The following HS3ST4 variants were observed in gnomAD, a reference collection of about 807,000 sequenced individuals.
HS3ST4 encodes the protein heparan sulfate-glucosamine 3-sulfotransferase 4.
In HS3ST4, 17 loss-of-function variants were observed where a neutral mutation model predicts 29.2. That is an observed-to-expected ratio of 0.58 (90% CI 0.40 to 0.87). HS3ST4 has a LOEUF of 0.87. Ranked by LOEUF, HS3ST4 falls within the 40% of genes least tolerant of loss-of-function variation. The pLI is 0.00. For missense variants in HS3ST4, 627 were observed against 634.5 expected (o/e 0.99, Z 0.13); for synonymous variants, 314 against 285.7 (o/e 1.10, Z -1.00).
intron 1 of HS3ST4, among the ~76,000 whole-genome samples, chr16:25,851,518 G>A (rs1304369867): frequency 1.3e-5 from 2 of 151,338 alleles, no homozygotes; most frequent in Non-Finnish European, 2.9e-5. Context: ...TACCTTTTTT[G>A]GTTACTCGAG....
At chr16:26,043,842 C>T (rs1423101737) in intron 1 of HS3ST4, among the ~76,000 whole-genome samples, 1 of 152,184 alleles carries the variant, frequency 6.6e-6, no homozygotes, top group East Asian at 1.9e-4. Context: ...TGCCATTCGC[C>T]CTCCCAAGTA....
At chr16:26,004,268 C>T (rs964349909) in intron 1 of HS3ST4, among the ~76,000 whole-genome samples, 14 of 152,294 alleles carry the variant, frequency 9.2e-5, no homozygotes, top group African/African-American at 3.4e-4. Flanking sequence ...GGATTGTATG[C>T]ACTTCTCTCT....
At chr16:25,873,814 T>C (rs1967797536) in intron 1 of HS3ST4, among the ~76,000 whole-genome samples, 1 of 149,488 alleles carries the variant, frequency 6.7e-6, no homozygotes. Context: ...CCACCTATTC[T>C]TCCATCCATG....
intron 1 of HS3ST4, among the ~76,000 whole-genome samples, chr16:25,870,106 C>T (rs530212132): frequency 6.6e-6 from 1 of 152,064 alleles, no homozygotes; most frequent in African/African-American, 2.4e-5. Context: ...ATCTGTCCAT[C>T]TATCCACCCT....
intron 1 of HS3ST4, among the ~76,000 whole-genome samples, chr16:25,949,161 G>A (rs897570839): frequency 6.6e-6 from 1 of 152,070 alleles, no homozygotes; most frequent in Non-Finnish European, 1.5e-5. Flanking sequence ...ATTACACATC[G>A]TGGAGAATGG....
chr16:25,756,570 C>T (rs1260301945), intron 1 of HS3ST4, among the ~76,000 whole-genome samples: 2 of 152,150 alleles, frequency 1.3e-5, no homozygotes, highest in African/African-American at 2.4e-5. Context: ...TGATTTCACT[C>T]CAAAGAAGAT....
chr16:25,999,722 T>G lies in HS3ST4; in HGVS notation c.735-135890T>G, dbSNP rs1048263983. Among the ~76,000 whole-genome samples, 7 of 145,264 alleles carry G rather than the reference T, an allele frequency of 4.8e-5. No individual in the cohort carries two copies. In the East Asian group the frequency reaches 1.4e-3, roughly 28 times the overall value. On this transcript the variant is annotated intron_variant, in intron 1 of 1. Transcript: ENST00000331351. ...TCTCAAAAATTCACATTGTACTTTC[T>G]ATTTAAAGTACAATTTAAATAATTA...
At chr16:25,818,660 G>A (rs533998053) in intron 1 of HS3ST4, among the ~76,000 whole-genome samples, 5 of 152,000 alleles carry the variant, frequency 3.3e-5, no homozygotes, top group African/African-American at 1.2e-4. Flanking sequence ...TTCTCTGAAG[G>A]CCTTTGATAA....
chr16:25,921,768 T>A (rs1405457883), intron 1 of HS3ST4, among the ~76,000 whole-genome samples: 1 of 151,816 alleles, frequency 6.6e-6, no homozygotes, highest in Non-Finnish European at 1.5e-5. Context: ...TCTTTTTTTT[T>A]TTTTGAGACA....
intron 1 of HS3ST4, among the ~76,000 whole-genome samples, chr16:26,101,956 C>T (rs1037735989): frequency 6.6e-6 from 1 of 152,118 alleles, no homozygotes; most frequent in Non-Finnish European, 1.5e-5. Context: ...TCTTAGGTGG[C>T]CCAAACAATG....
chr16:25,954,496 TAAAC>T (rs1406737519), intron 1 of HS3ST4, among the ~76,000 whole-genome samples: 1 of 152,040 alleles, frequency 6.6e-6, no homozygotes, highest in Non-Finnish European at 1.5e-5. Context: ...AATGAATAAA[TAAAC>T]AACAAAAGAA....
chr16:25,759,641 C>T lies in HS3ST4; in HGVS notation c.734+66490C>T, dbSNP rs552146070. Among the ~76,000 whole-genome samples, 316 of 152,274 alleles carry T rather than the reference C, an allele frequency of 2.1e-3. 2 individuals carry two copies. Among genetic ancestry groups the T allele is most frequent in the African/African-American group, 7.3e-3 (303 of 41,558 alleles). ...GAGGCTTCCTTAGAAAAGGAAACAG[C>T]CAGCGAGGCTCAGTGGCCCATGCCT... is the stretch of plus-strand genomic sequence containing the variant. On this transcript the variant is annotated intron_variant, in intron 1 of 1. Transcript: ENST00000331351.
intron 1 of HS3ST4, among the ~76,000 whole-genome samples, chr16:25,765,369 C>T (rs193172892): frequency 6.0e-4 from 92 of 152,242 alleles, no homozygotes; most frequent in African/African-American, 2.1e-3. Flanking sequence ...GACCCAATCG[C>T]CAGGAGCCGC....
chr16:25,815,072 A>C (rs1967079631), intron 1 of HS3ST4, among the ~76,000 whole-genome samples: 1 of 152,218 alleles, frequency 6.6e-6, no homozygotes, highest in South Asian at 2.1e-4. Context: ...GTCTGTGTCC[A>C]TATGTGGACT....
intron 1 of HS3ST4, among the ~76,000 whole-genome samples, chr16:25,701,042 G>C (rs550505297): frequency 6.6e-6 from 1 of 152,106 alleles, no homozygotes; most frequent in Non-Finnish European, 1.5e-5. Flanking sequence ...GGGATAACTT[G>C]GTTTCAGGAA....
intron 1 of HS3ST4, among the ~76,000 whole-genome samples, chr16:25,983,580 C>A (rs535775306): frequency 6.6e-6 from 1 of 152,188 alleles, no homozygotes; most frequent in South Asian, 2.1e-4. Flanking sequence ...GCCACACTTA[C>A]CTCTGTGTGT....
intron 1 of HS3ST4, among the ~76,000 whole-genome samples, chr16:26,007,466 G>A (rs978888081): frequency 6.6e-6 from 1 of 152,118 alleles, no homozygotes; most frequent in Non-Finnish European, 1.5e-5. Context: ...TTATCCATTC[G>A]TGAAATGGGA....
chr16:26,067,419 A>G (rs1380528392), intron 1 of HS3ST4, among the ~76,000 whole-genome samples: 1 of 152,056 alleles, frequency 6.6e-6, no homozygotes, highest in Non-Finnish European at 1.5e-5. Context: ...AATTAGTGAA[A>G]ACAATTTGGT....
chr16:26,062,609 AG>A lies in HS3ST4; in HGVS notation c.735-73002del, dbSNP rs768965138. On this transcript the variant is annotated intron_variant, in intron 1 of 1. Coordinates refer to ENST00000331351, the MANE Select transcript of HS3ST4 (RefSeq NM_006040.3). ...GCCATGCATCATGGACTATTGGTAT[AG>A]TTTTTTTTTTTTTTTTAGTTTAGAT... 1,177 of 117,776 alleles carry A rather than the reference AG, an allele frequency of 1.0e-2. 10 individuals carry two copies. The highest frequency in any genetic ancestry group is 0.027 in the South Asian group (90 of 3,300). The allele number at this position is 117,776 out of a possible 1,614,324, so 7.3% of individuals were successfully genotyped here.
Sources: allele counts gnomAD v4.1 joint callset (sites outside exome capture counted in the v4.1 genomes callset), GRCh38; gene constraint gnomAD v4.1.1; transcripts MANE v1.5; gene names NCBI Gene and HGNC (gene_info 2026-07-23, HGNC 2026-07-21).